HS6ST2: variants seen among roughly 807,000 people sequenced by gnomAD.
HS6ST2 encodes heparan-sulfate 6-O-sulfotransferase 2.
A neutral mutation model predicts 33.0 loss-of-function variants in HS6ST2; 17 were observed. The ratio of observed to expected loss-of-function variants is 0.52; its 90% CI spans 0.35 to 0.77. The LOEUF is 0.77. HS6ST2 is among the 30% of genes least tolerant of loss of function. HS6ST2 has a pLI of 0.01. For missense variants in HS6ST2, 519 were observed against 551.7 expected (o/e 0.94, Z 0.59); for synonymous variants, 248 against 237.1 (o/e 1.05, Z -0.42).
chrX:132,745,682 C>T (rs778646620), intron 2 of HS6ST2, among the ~76,000 whole-genome samples: 1 of 111,867 alleles, frequency 8.9e-6, no homozygotes, highest in South Asian at 3.8e-4. Flanking sequence ...GTTCTGGTTT[C>T]AAGGGTCACT....
chrX:132,816,797 C>T lies in HS6ST2; in HGVS notation c.948-108303G>A, dbSNP rs778443097. Among the ~76,000 whole-genome samples, 40 of 111,417 alleles carry T rather than the reference C, an allele frequency of 3.6e-4. No homozygotes were observed. In the South Asian group the frequency reaches 3.8e-3, roughly 11 times the overall value. ...TGCCAACAAAGAGTAATGAAGCTTCCGGGCCCTAGGAAGTCTCGCTGCCAG... is the reference window on the plus strand; with the variant it reads ...TGCCAACAAAGAGTAATGAAGCTTCTGGGCCCTAGGAAGTCTCGCTGCCAG... On this transcript the variant is annotated intron_variant, in intron 2 of 4. Transcript: ENST00000370833.
At chrX:132,821,004 T>C (rs1175574933) in intron 2 of HS6ST2, among the ~76,000 whole-genome samples, 1 of 110,549 alleles carries the variant, frequency 9.0e-6, no homozygotes, top group East Asian at 2.9e-4. Flanking sequence ...TTAGGGTTTA[T>C]TTATGAAATT....
intron 2 of HS6ST2, among the ~76,000 whole-genome samples, chrX:132,946,485 G>A (rs1414306383): frequency 8.9e-6 from 1 of 111,753 alleles, no homozygotes; most frequent in Non-Finnish European, 1.9e-5. Flanking sequence ...GATGAAGCTG[G>A]AAACCATCAT....
chrX:132,743,423 A>G (rs779125567), intron 2 of HS6ST2, among the ~76,000 whole-genome samples: 15 of 112,539 alleles, frequency 1.3e-4, no homozygotes, highest in South Asian at 7.4e-4. Context: ...AACACAACCA[A>G]AAAAAGGGGA....
intron 3 of HS6ST2, chrX:132,669,413 T>C: frequency 3.3e-6 from 1 of 300,475 alleles, no homozygotes; most frequent in Non-Finnish European, 5.7e-6. Flanking sequence ...CTGGTCAAGT[T>C]CAAAGAAAGC....
intron 2 of HS6ST2, among the ~76,000 whole-genome samples, chrX:132,888,372 T>C (rs1297909702): frequency 9.0e-6 from 1 of 111,287 alleles, no homozygotes; most frequent in Non-Finnish European, 1.9e-5. Context: ...AACCATCAGA[T>C]CTCATGAGAC....
intron 2 of HS6ST2, among the ~76,000 whole-genome samples, chrX:132,823,949 G>T (rs1259924522): frequency 9.2e-6 from 1 of 109,022 alleles, no homozygotes; most frequent in Non-Finnish European, 1.9e-5. Context: ...CATTTTTAAT[G>T]GCTGAGTAGT....
At chrX:132,768,645 C>A (rs760967861) in intron 2 of HS6ST2, among the ~76,000 whole-genome samples, 29 of 112,299 alleles carry the variant, frequency 2.6e-4, no homozygotes, top group African/African-American at 8.7e-4. Flanking sequence ...ACTGAGAATT[C>A]TTCCACTGGA....
intron 2 of HS6ST2, among the ~76,000 whole-genome samples, chrX:132,941,480 G>C (rs1016622343): frequency 8.9e-6 from 1 of 112,155 alleles, no homozygotes; most frequent in African/African-American, 3.2e-5. Context: ...TAAATAGAAG[G>C]CTCAGTCAAA....
intron 2 of HS6ST2, among the ~76,000 whole-genome samples, chrX:132,954,706 C>T (rs1303784588): frequency 8.9e-6 from 1 of 112,269 alleles, no homozygotes; most frequent in African/African-American, 3.2e-5. Flanking sequence ...TTTTTGCAAA[C>T]ACCGTAAAAT....
intron 2 of HS6ST2, 121 bp from the exon 3 acceptor site, chrX:132,708,615 A>AGCTGG: frequency 1.7e-6 from 1 of 596,035 alleles, no homozygotes; most frequent in Non-Finnish European, 2.7e-6. Flanking sequence ...ACCTTAGGGA[A>AGCTGG]ACAGCTCATA....
intron 2 of HS6ST2, among the ~76,000 whole-genome samples, chrX:132,835,032 G>A (rs951166500): frequency 1.8e-5 from 2 of 111,578 alleles, no homozygotes; most frequent in Admixed American, 1.9e-4. Flanking sequence ...GCTTCACAGA[G>A]ATGATTCTCA....
chrX:132,956,505 C>T (rs1411290643), intron 2 of HS6ST2, among the ~76,000 whole-genome samples: 4 of 112,060 alleles, frequency 3.6e-5, no homozygotes, highest in African/African-American at 3.2e-5. Context: ...AGACTGAGTA[C>T]GATGCCCCGT....
At chrX:132,773,413 T>C (rs957904205) in intron 2 of HS6ST2, among the ~76,000 whole-genome samples, 1 of 109,258 alleles carries the variant, frequency 9.2e-6, no homozygotes, top group Non-Finnish European at 1.9e-5. Context: ...CAATACAGTC[T>C]GACAGTCCCT....
intron 2 of HS6ST2, among the ~76,000 whole-genome samples, chrX:132,942,751 G>C (rs2066900509): frequency 8.9e-6 from 1 of 111,762 alleles, no homozygotes; most frequent in African/African-American, 3.3e-5. Flanking sequence ...ACCAAATGCA[G>C]CAAAAAGCAA....
chrX:132,774,797 C>A (rs1426123571), intron 2 of HS6ST2, among the ~76,000 whole-genome samples: 2 of 110,638 alleles, frequency 1.8e-5, no homozygotes, highest in African/African-American at 6.6e-5. Flanking sequence ...TCTCCTGCCT[C>A]AGCCTCCAGA....
intron 2 of HS6ST2, among the ~76,000 whole-genome samples, chrX:132,720,739 T>C (rs1311025321): frequency 9.5e-6 from 1 of 104,904 alleles, no homozygotes; most frequent in Non-Finnish European, 1.9e-5. Context: ...AGATATTCCA[T>C]GCCAATGGAA....
intron 2 of HS6ST2, among the ~76,000 whole-genome samples, chrX:132,742,599 T>C (rs891439183): frequency 2.7e-5 from 3 of 112,210 alleles, no homozygotes; most frequent in East Asian, 2.8e-4. Context: ...TCTAGCCTTA[T>C]TGTAACCAGC....
intron 2 of HS6ST2, chrX:132,808,852 G>A (rs182255333): frequency 7.1e-5 from 8 of 112,065 alleles, no homozygotes; most frequent in East Asian, 2.8e-4. Context: ...AATGACCATC[G>A]CACCACTACC....
Sources: allele counts gnomAD v4.1 joint callset (sites outside exome capture counted in the v4.1 genomes callset), GRCh38; gene constraint gnomAD v4.1.1; transcripts MANE v1.5; gene names NCBI Gene and HGNC (gene_info 2026-07-23, HGNC 2026-07-21).